The following PDE4A variants were observed in gnomAD, a reference collection of about 807,000 sequenced individuals.
The protein encoded by PDE4A is 3',5'-cyclic-AMP phosphodiesterase 4A.
In PDE4A, 21 loss-of-function variants were observed where a neutral mutation model predicts 73.9. The ratio of observed to expected loss-of-function variants is 0.28; its 90% CI spans 0.20 to 0.41. PDE4A has a LOEUF of 0.41. Ranked by LOEUF, PDE4A falls within the 10% of genes least tolerant of loss-of-function variation. The pLI is 1.00. For synonymous variants in PDE4A, 463 were observed against 505.4 expected, an observed-to-expected ratio of 0.92 and a Z score of 1.13; for missense variants, 958 against 1,211.4, an observed-to-expected ratio of 0.79 and a Z score of 3.10.
intron 6 of PDE4A, among the ~76,000 whole-genome samples, chr19:10,451,272 C>T: frequency 6.6e-6 from 1 of 152,130 alleles, no homozygotes; most frequent in East Asian, 1.9e-4. Context: ...GGGCCAACCC[C>T]TGGGCGGCAG....
chr19:10,461,828 G>A (rs747627603), intron 12 of PDE4A, 49 bp from the exon 13 acceptor site: 4 of 1,599,372 alleles, frequency 2.5e-6, no homozygotes, highest in East Asian at 2.2e-5. Context: ...GCCCGGGTCA[G>A]TCTGGGGGGC....
intron 14 of PDE4A, among the ~76,000 whole-genome samples, chr19:10,466,337 C>T (rs1460822095): frequency 3.6e-5 from 5 of 139,612 alleles, no homozygotes; most frequent in African/African-American, 7.9e-5. Context: ...CCCAGCTACT[C>T]GGGAGGCTGA....
chr19:10,419,302 G>C (rs538450412), upstream of PDE4A, among the ~76,000 whole-genome samples: 1 of 150,512 alleles, frequency 6.6e-6, no homozygotes, highest in East Asian at 2.0e-4. Context: ...GGGTTGAGGG[G>C]GATGGGGGCG....
rs539132112 is a variant in PDE4A at position 10,459,856 on chromosome 19, A to G, written c.1365+97A>G. Reference sequence around the variant, plus strand: ...CTCTGACCCTGTGTCTCTGACCTCCATCTCTCTTTGACGCCATTTCTCTCT... The same window carrying G: ...CTCTGACCCTGTGTCTCTGACCTCCGTCTCTCTTTGACGCCATTTCTCTCT... On this transcript the variant is annotated intron_variant, in intron 10 of 14. Transcript: ENST00000380702. 40 of 1,343,270 alleles carry G rather than the reference A, an allele frequency of 3.0e-5. No individual in the cohort carries two copies. The African/African-American group carries it at 3.9e-4, about 13-fold the overall frequency. 83.2% of individuals were successfully genotyped at this position (1,343,270 alleles called of 1,614,324 possible).
intron 2 of PDE4A, among the ~76,000 whole-genome samples, chr19:10,447,191 C>T (rs866946973): frequency 5.3e-4 from 77 of 144,560 alleles, no homozygotes; most frequent in African/African-American, 1.7e-3. Context: ...TGAGCCACCG[C>T]GCCTGGCCTC....
chr19:10,447,901 CT>C (rs2043033209), intron 2 of PDE4A, among the ~76,000 whole-genome samples: 1 of 152,138 alleles, frequency 6.6e-6, no homozygotes, highest in Non-Finnish European at 1.5e-5. Flanking sequence ...CTGTACACAC[CT>C]CAACCCACTT....
intron 1 of PDE4A, among the ~76,000 whole-genome samples, chr19:10,425,130 A>G (rs2145449924): frequency 1.3e-5 from 2 of 152,060 alleles, no homozygotes; most frequent in Admixed American, 1.3e-4. Flanking sequence ...AGGCTGAGGC[A>G]GGAGAATCGC....
chr19:10,423,229 G>C (rs1599397386), intron 1 of PDE4A: 1 of 600,828 alleles, frequency 1.7e-6, no homozygotes, highest in Admixed American at 7.3e-5. Context: ...CGTGATCTCA[G>C]CTCACTGCAA....
rs143663914 is a variant in PDE4A at position 10,467,276 on chromosome 19, C to T, written c.2316C>T (p.Ala772=). Residue 772 remains alanine (A), a synonymous_variant, in exon 15 of 15, where the codon GCC becomes GCT. Coordinates refer to ENST00000380702, the MANE Select transcript of PDE4A (RefSeq NM_001111307.2). The part of the protein sequence containing the change: ...EVMAQEASLE[A]ELEAVYLTQQ... ...TGGCACAGGAAGCATCCCTGGAGGC[C>T]GAGCTGGAGGCAGTGTATTTGACAC... 151 of 1,614,162 alleles carry T rather than the reference C, an allele frequency of 9.4e-5. 2 individuals carry two copies. In the East Asian group the frequency reaches 3.1e-3, roughly 33 times the overall value.
chr19:10,460,130 G>A (rs1442797486), intron 10 of PDE4A, among the ~76,000 whole-genome samples: 1 of 151,056 alleles, frequency 6.6e-6, no homozygotes, highest in African/African-American at 2.4e-5. Flanking sequence ...TGATCAGCCC[G>A]CCTTGGCCTC....
intron 1 of PDE4A, among the ~76,000 whole-genome samples, chr19:10,438,259 C>T (rs974574627): frequency 1.3e-5 from 2 of 151,678 alleles, no homozygotes; most frequent in African/African-American, 4.8e-5. Flanking sequence ...ATTACAGGCA[C>T]GCACCACCAC....
chr19:10,430,617 G>C (rs2042774134), intron 1 of PDE4A, among the ~76,000 whole-genome samples: 1 of 151,978 alleles, frequency 6.6e-6, no homozygotes, highest in African/African-American at 2.4e-5. Context: ...GGACATTAGA[G>C]CCAACGCGGG....
intron 14 of PDE4A, among the ~76,000 whole-genome samples, chr19:10,465,169 G>T (rs1425787273): frequency 2.6e-5 from 4 of 151,750 alleles, no homozygotes; most frequent in African/African-American, 9.7e-5. Context: ...AGGATTCTTA[G>T]CAGAATCCCT....
Position 10,467,747 on chromosome 19 carries a change from G to A in PDE4A, c.*126G>A, listed in dbSNP as rs1184709253. ...CTCCTGAGAAAAAAGAAAACGAAAA[G>A]TGGGGTTTTTTTCTGTTTTCTTTTT... On this transcript the variant is annotated 3_prime_UTR_variant, in exon 15 of 15. Transcript: ENST00000380702. The A allele has an allele frequency of 1.1e-5, 8 of 702,172 alleles. No homozygotes were observed. The highest frequency in any genetic ancestry group is 1.8e-5 in the African/African-American group (1 of 54,774). 43.5% of individuals were successfully genotyped at this position (702,172 alleles called of 1,614,324 possible).
At chr19:10,456,519 C>A (rs1011268331) in intron 7 of PDE4A, among the ~76,000 whole-genome samples, 7 of 150,606 alleles carry the variant, frequency 4.6e-5, no homozygotes, top group African/African-American at 1.7e-4. Context: ...GAGTGAGACT[C>A]CATCTCAAAA....
chr19:10,420,747 C>T lies in PDE4A; in HGVS notation c.-18C>T. ...GGAAGGGCCAGGGCCCCCTGGGGCG[C>T]AAGTGGGGGCCGGCGCCATGGAACC... On this transcript the variant is annotated 5_prime_UTR_variant, in exon 1 of 15. Coordinates refer to ENST00000380702, the MANE Select transcript of PDE4A (RefSeq NM_001111307.2). This position sits in a 1 kb window ranked among gnomAD's most constrained non-coding sequence, Gnocchi z 6.0. 1.3e-6 allele frequency: 2 copies of T among 1,538,040 alleles called. No individual in the cohort carries two copies. Among genetic ancestry groups the T allele is most frequent in the East Asian group, 2.5e-5 (1 of 39,922 alleles).
chr19:10,444,498 CAAAA>C (rs1180202891), intron 1 of PDE4A, among the ~76,000 whole-genome samples: 1 of 124,732 alleles, frequency 8.0e-6, no homozygotes, highest in South Asian at 2.6e-4. Flanking sequence ...AACTCCATCT[CAAAA>C]AAAAAAAAAA....
At chr19:10,438,537 T>C (rs1321841194) in intron 1 of PDE4A, among the ~76,000 whole-genome samples, 1 of 152,174 alleles carries the variant, frequency 6.6e-6, no homozygotes, top group African/African-American at 2.4e-5. Flanking sequence ...GGACCTCATA[T>C]AAGTGGAATT....
intron 8 of PDE4A, 140 bp from the exon 9 acceptor site, chr19:10,459,260 A>G (rs748782810): frequency 6.9e-7 from 1 of 1,457,230 alleles, no homozygotes; most frequent in Non-Finnish European, 9.2e-7. Flanking sequence ...AGGGCAGTAC[A>G]TTCTGTGCTG....
Sources: gnomAD v4.1 joint callset for allele counts (sites outside exome capture counted in the v4.1 genomes callset) on GRCh38, gnomAD v4.1.1 for gene constraint, Gnocchi (gnomAD v3.1) non-coding constraint, MANE v1.5 for transcripts, NCBI Gene and HGNC (gene_info 2026-07-23, HGNC 2026-07-21) for gene names.